Variants in ASTN2 observed in about 807,000 individuals in gnomAD.
ASTN2 encodes the protein astrotactin-2.
A neutral mutation model predicts 139.8 loss-of-function variants in ASTN2; 54 were observed. The ratio of observed to expected loss-of-function variants is 0.39; its 90% CI spans 0.31 to 0.48. The LOEUF (loss-of-function observed/expected upper bound fraction) is 0.48, where lower values mean the gene tolerates loss of function less well. ASTN2 is among the 20% of genes least tolerant of loss of function. The pLI is 0.95. For missense variants in ASTN2, 1,565 were observed against 1,725.1 expected (o/e 0.91, Z 1.64); for synonymous variants, 756 against 719.5 (o/e 1.05, Z -0.81).
chr9:116,933,979 C>CTTTTTTTTATTTTTTTTTTTTTTTT, intron 10 of ASTN2, among the ~76,000 whole-genome samples: 1 of 86,902 alleles, frequency 1.2e-5, no homozygotes, highest in South Asian at 3.5e-4. Flanking sequence ...AGTGTTAGTC[C>CTTTTTTTTATTTTTTTTTTTTTTTT]TTTTTTTTTT....
chr9:116,827,276 T>TCC (rs1328494570), intron 11 of ASTN2, among the ~76,000 whole-genome samples: 3 of 129,196 alleles, frequency 2.3e-5, no homozygotes, highest in Admixed American at 9.0e-5. Context: ...GCCACTGCAC[T>TCC]CCAGCCTGGG....
chr9:116,990,946 G>A (rs2132551190), intron 7 of ASTN2, among the ~76,000 whole-genome samples: 1 of 152,294 alleles, frequency 6.6e-6, no homozygotes, highest in East Asian at 1.9e-4. Context: ...TACCTGAGTT[G>A]TGTGGGACAT....
At chr9:116,832,045 G>C (rs1831829260) in intron 11 of ASTN2, among the ~76,000 whole-genome samples, 1 of 151,996 alleles carries the variant, frequency 6.6e-6, no homozygotes, top group African/African-American at 2.4e-5. Flanking sequence ...AAATGATACT[G>C]TATTTTTTAT....
intron 13 of ASTN2, among the ~76,000 whole-genome samples, chr9:116,735,041 T>A (rs1313500815): frequency 6.6e-6 from 1 of 152,196 alleles, no homozygotes; most frequent in African/African-American, 2.4e-5. Flanking sequence ...AAAAGATAGA[T>A]ATTATTATCT....
At chr9:116,677,936 C>A (rs1029119309) in intron 16 of ASTN2, among the ~76,000 whole-genome samples, 22 of 152,142 alleles carry the variant, frequency 1.4e-4, no homozygotes, top group Non-Finnish European at 4.4e-5. Context: ...AGCATCTGTC[C>A]ATCTGCTGTC....
intron 4 of ASTN2, among the ~76,000 whole-genome samples, chr9:117,121,363 T>C (rs1242195165): frequency 6.6e-6 from 1 of 152,234 alleles, no homozygotes; most frequent in African/African-American, 2.4e-5. Context: ...GTGAAAATTT[T>C]AGAGTTCAGC....
intron 10 of ASTN2, among the ~76,000 whole-genome samples, chr9:116,881,320 C>T (rs1367637542): frequency 6.6e-6 from 1 of 152,160 alleles, no homozygotes; most frequent in Non-Finnish European, 1.5e-5. Flanking sequence ...TTTAAAAGTC[C>T]TATAATTTCC....
chr9:116,498,799 G>C (rs909774930), intron 19 of ASTN2, among the ~76,000 whole-genome samples: 1 of 152,156 alleles, frequency 6.6e-6, no homozygotes, highest in Non-Finnish European at 1.5e-5. Context: ...TCAGCTCCAA[G>C]GACATAGCAG....
intron 19 of ASTN2, among the ~76,000 whole-genome samples, chr9:116,601,385 C>T (rs1230851601): frequency 6.6e-6 from 1 of 152,128 alleles, no homozygotes; most frequent in Non-Finnish European, 1.5e-5. Flanking sequence ...TTATTGAGTG[C>T]CCATGGTATG....
rs141665878 is a variant in ASTN2 at position 116,476,179 on chromosome 9, C to T, written c.3497+11180G>A. On this transcript the variant is annotated intron_variant, in intron 20 of 22. Transcript: ENST00000313400. ...GCCCGAGGTGTTCCTTGGCTTGAGG[C>T]GGCATCACTCTAATCTCAGCCTCTG... 4.2e-3 allele frequency among the ~76,000 whole-genome samples: 646 copies of T among 152,260 alleles called. 3 individuals carry two copies. The highest frequency in any genetic ancestry group is 0.014 in the African/African-American group (583 of 41,570).
chr9:117,289,999 GA>G (rs1286637077), intron 2 of ASTN2, among the ~76,000 whole-genome samples: 2 of 152,202 alleles, frequency 1.3e-5, no homozygotes, highest in Non-Finnish European at 2.9e-5. Context: ...TCGTTGAAGA[GA>G]AACGAGAAAG....
At chr9:117,275,776 G>A (rs567993881) in intron 2 of ASTN2, among the ~76,000 whole-genome samples, 48 of 152,088 alleles carry the variant, frequency 3.2e-4, no homozygotes, top group African/African-American at 1.2e-3. Context: ...ATGTTGACCA[G>A]GCTGTTCTCA....
intron 6 of ASTN2, among the ~76,000 whole-genome samples, chr9:117,015,077 G>A (rs1056845383): frequency 9.9e-5 from 15 of 152,034 alleles, no homozygotes; most frequent in African/African-American, 3.4e-4. Context: ...GCAGTGGTGC[G>A]ATGACTCACT....
At chr9:116,662,957 T>C (rs1858649278) in intron 16 of ASTN2, among the ~76,000 whole-genome samples, 1 of 152,172 alleles carries the variant, frequency 6.6e-6, no homozygotes, top group Non-Finnish European at 1.5e-5. Context: ...AAAGCCCCTT[T>C]TCTGTCCAAA....
chr9:116,626,408 T>C (rs978658513), intron 17 of ASTN2, among the ~76,000 whole-genome samples: 3 of 152,078 alleles, frequency 2.0e-5, no homozygotes, highest in Non-Finnish European at 4.4e-5. Context: ...AACATACTTA[T>C]ATTTAAATAT....
intron 13 of ASTN2, among the ~76,000 whole-genome samples, chr9:116,764,561 C>T (rs773071838): frequency 8.5e-5 from 13 of 152,196 alleles, no homozygotes; most frequent in Non-Finnish European, 1.6e-4. Flanking sequence ...ATGACAGTTA[C>T]TCAGTGATGA....
intron 19 of ASTN2, among the ~76,000 whole-genome samples, chr9:116,561,449 C>A (rs1167069475): frequency 6.6e-6 from 1 of 152,180 alleles, no homozygotes; most frequent in African/African-American, 2.4e-5. Context: ...ATCTTCCACT[C>A]CCTAAAGTTT....
chr9:116,573,415 G>C (rs899504516), intron 19 of ASTN2, among the ~76,000 whole-genome samples: 2 of 152,126 alleles, frequency 1.3e-5, no homozygotes, highest in African/African-American at 2.4e-5. Context: ...TTTTTCTCAT[G>C]GGATATCTCA....
At chr9:116,640,496 C>G (rs186575164) in intron 17 of ASTN2, among the ~76,000 whole-genome samples, 2 of 152,240 alleles carry the variant, frequency 1.3e-5, no homozygotes, top group East Asian at 3.9e-4. Flanking sequence ...TAACAGTTCA[C>G]TCAGTGGAAA....
Sources: gnomAD v4.1 joint callset for allele counts (sites outside exome capture counted in the v4.1 genomes callset) on GRCh38, gnomAD v4.1.1 for gene constraint, MANE v1.5 for transcripts, NCBI Gene and HGNC (gene_info 2026-07-23, HGNC 2026-07-21) for gene names.